PCDHGA3: variants seen among roughly 807,000 people sequenced by gnomAD.
PCDHGA3 encodes protocadherin gamma-A3.
PCDHGA3 carries 40 observed loss-of-function variants against 58.5 expected under a neutral mutation model. The ratio of observed to expected loss-of-function variants is 0.68; its 90% confidence interval spans 0.53 to 0.89. The LOEUF is 0.89. PCDHGA3 is among the 40% of genes least tolerant of loss of function. The pLI, the probability that PCDHGA3 is intolerant of heterozygous loss-of-function variation, is 0.00. For synonymous variants in PCDHGA3, 530 were observed against 525.7 expected (o/e 1.01, Z -0.11); for missense variants, 1,223 against 1,195.9 (o/e 1.02, Z -0.33).
At chr5:141,388,860 A>T (rs781769294) in intron 1 of PCDHGA3, 2 of 1,613,902 alleles carry the variant, frequency 1.2e-6, no homozygotes, top group South Asian at 2.2e-5. Flanking sequence ...TGGAGGAATG[A>T]TTGCGCAATG....
intron 1 of PCDHGA3, chr5:141,393,009 A>T: frequency 6.2e-7 from 1 of 1,613,898 alleles, no homozygotes. Flanking sequence ...CGGAGTCCGT[A>T]TCGTCTCCAG....
At chr5:141,360,018 A>C in intron 1 of PCDHGA3, 12 of 1,225,116 alleles carry the variant, frequency 9.8e-6, no homozygotes, top group Non-Finnish European at 1.3e-5. Flanking sequence ...CACACAGAGA[A>C]GGCCAGTATA....
chr5:141,364,525 C>T (rs763615712), intron 1 of PCDHGA3: 1 of 1,613,944 alleles, frequency 6.2e-7, no homozygotes, highest in African/African-American at 1.3e-5. Flanking sequence ...GCGGAGTCCG[C>T]ATCGTCTCCA....
At chr5:141,495,014 G>A (rs561045298) in intron 2 of PCDHGA3, 149 bp downstream of exon 2, 13 of 1,510,430 alleles carry the variant, frequency 8.6e-6, no homozygotes, top group South Asian at 7.5e-5. Flanking sequence ...GCGGGGGGCT[G>A]GCACACAGAC....
In PCDHGA3 at chr5:141,374,581, C is replaced by A; in HGVS notation, c.2424+28124C>A. On this transcript the variant is annotated intron_variant, in intron 1 of 3. Transcript: ENST00000253812. ...ATGACCCTGATGTGGGAATGAACTC[C>A]CTTCAGGGATTTAAGCTCAGTGGTA... The A allele has an allele frequency of 1.9e-6, 3 of 1,613,660 alleles. No homozygotes were observed. In the East Asian group the frequency reaches 6.7e-5, roughly 36 times the overall value.
chr5:141,453,423 C>T (rs931962019), intron 1 of PCDHGA3, among the ~76,000 whole-genome samples: 2 of 152,120 alleles, frequency 1.3e-5, no homozygotes, highest in African/African-American at 4.8e-5. Context: ...TAAGCCACCA[C>T]ACCTAGCCTA....
Position 141,477,919 on chromosome 5 carries a change from G to A in PCDHGA3, c.2425-16888G>A. 2.5e-6 allele frequency: 4 copies of A among 1,614,162 alleles called. No individual in the cohort carries two copies. The highest frequency in any genetic ancestry group is 8.5e-7 in the Non-Finnish European group (1 of 1,180,026). The stretch of plus-strand genomic sequence containing the variant: ...TGGTAGGCTGGGACGCGGATGCAGG[G>A]CACAATGCCTGGCTCTCCTACAGTC... On this transcript the variant is annotated intron_variant, in intron 1 of 3. Transcript: ENST00000253812. The surrounding 1 kb of genome is among the most constrained non-coding windows in gnomAD (Gnocchi z 4.9).
intron 2 of PCDHGA3, among the ~76,000 whole-genome samples, chr5:141,501,294 C>CAT (rs200497585): frequency 0.16 from 9,924 of 62,810 alleles, 350 homozygotes; most frequent in Non-Finnish European, 0.25. Flanking sequence ...CCCTTATACA[C>CAT]ACACACACAC....
intron 1 of PCDHGA3, among the ~76,000 whole-genome samples, chr5:141,494,361 G>A (rs1311268562): frequency 6.6e-6 from 1 of 152,184 alleles, no homozygotes; most frequent in African/African-American, 2.4e-5. Flanking sequence ...TGCTGCAGAG[G>A]ATGCTTTGTT....
At chr5:141,350,953 T>A in intron 1 of PCDHGA3, 5 of 1,614,052 alleles carry the variant, frequency 3.1e-6, no homozygotes, top group Non-Finnish European at 4.2e-6. Context: ...GAGTTACGGA[T>A]GCCAATGATA....
At position 141,366,621 on chromosome 5, in the gene PCDHGA3, G is replaced by A. The variant is rs773330182; in HGVS notation, c.2424+20164G>A. 5.6e-6 allele frequency: 9 copies of A among 1,614,110 alleles called. No individual in the cohort carries two copies. The African/African-American group carries it at 8.0e-5, about 14-fold the overall frequency. On this transcript the variant is annotated intron_variant, in intron 1 of 3. Transcript: ENST00000253812. ...GAGGTCTCCCTCACCGCGGACTCGA[G>A]GAAGAGTCACCTGATCTTTCCCCAG...
chr5:141,489,483 T>G lies in PCDHGA3; in HGVS notation c.2425-5324T>G. 1.9e-6 allele frequency: 3 copies of G among 1,613,980 alleles called. No individual in the cohort carries two copies. The highest frequency in any genetic ancestry group is 2.5e-6 in the Non-Finnish European group (3 of 1,180,008). ...GCTATTTTTCCCTGAGCTTGATGAG[T>G]GGTGCCCTGGCAGTGAATCAAAAGA... On this transcript the variant is annotated intron_variant, in intron 1 of 3. Coordinates refer to ENST00000253812, the MANE Select transcript of PCDHGA3 (RefSeq NM_018916.4). This position sits in a 1 kb window ranked among gnomAD's most constrained non-coding sequence, Gnocchi z 4.5.
At chr5:141,351,943 C>A (rs548781270) in intron 1 of PCDHGA3, 5 of 1,613,168 alleles carry the variant, frequency 3.1e-6, no homozygotes, top group Non-Finnish European at 1.7e-6. Context: ...TGCTGTACCC[C>A]GCGCTGGGGC....
At chr5:141,501,883 G>A (rs1204174131) in intron 2 of PCDHGA3, among the ~76,000 whole-genome samples, 1 of 152,022 alleles carries the variant, frequency 6.6e-6, no homozygotes, top group African/African-American at 2.4e-5. Flanking sequence ...TTACACTCCT[G>A]ATCATCATGG....
At chr5:141,388,703 C>T in intron 1 of PCDHGA3, 1 of 1,613,982 alleles carries the variant, frequency 6.2e-7, no homozygotes, top group Non-Finnish European at 8.5e-7. Context: ...ATGAGGGTGT[C>T]AATGCCGAGA....
At chr5:141,384,337 G>C (rs370533196) in intron 1 of PCDHGA3, 2 of 1,613,832 alleles carry the variant, frequency 1.2e-6, no homozygotes, top group Non-Finnish European at 1.7e-6. Flanking sequence ...ACAGGACCAC[G>C]ACAGTGAGGA....
At chr5:141,372,782 G>A (rs761699184) in intron 1 of PCDHGA3, 19 of 1,608,122 alleles carry the variant, frequency 1.2e-5, no homozygotes, top group African/African-American at 5.3e-5. Flanking sequence ...ATCCAGAAAT[G>A]CCTTCTAATT....
chr5:141,374,262 C>A lies in PCDHGA3; in HGVS notation c.2424+27805C>A, dbSNP rs369097101. The A allele has an allele frequency of 8.4e-5, 136 of 1,613,824 alleles. No individual in the cohort carries two copies. Among genetic ancestry groups the A allele is most frequent in the Non-Finnish European group, 1.1e-4 (132 of 1,179,878 alleles). On this transcript the variant is annotated intron_variant, in intron 1 of 3. Transcript: ENST00000253812. ...CTGGGACTGGAGCCCCAGGAGTTGG[C>A]GGAGCACGGAGTCCGCATCGTCTCC...
intron 1 of PCDHGA3, chr5:141,415,704 T>G: frequency 7.4e-7 from 1 of 1,344,464 alleles, no homozygotes; most frequent in Non-Finnish European, 1.0e-6. Flanking sequence ...GTGTAAATGC[T>G]AAAACACTGA....
Sources: gnomAD v4.1 joint callset for allele counts (sites outside exome capture counted in the v4.1 genomes callset) on GRCh38, gnomAD v4.1.1 for gene constraint, Gnocchi (gnomAD v3.1) non-coding constraint, MANE v1.5 for transcripts, NCBI Gene and HGNC (gene_info 2026-07-23, HGNC 2026-07-21) for gene names.